Variants in GRID2 observed in about 807,000 individuals in gnomAD.
GRID2 encodes the protein glutamate receptor ionotropic, delta-2.
Under a neutral mutation model 114.8 loss-of-function variants are expected in GRID2, and 33 were observed. The observed-to-expected ratio is 0.29, with a 90% CI of 0.22 to 0.38. GRID2 has a LOEUF of 0.38. Among genes scored for constraint, GRID2 ranks in the 10% least tolerant of loss-of-function variants. The pLI is 1.00. For synonymous variants in GRID2, 505 were observed against 449.9 expected (o/e 1.12, Z -1.55); for missense variants, 1,184 against 1,257.7 (o/e 0.94, Z 0.89).
intron 14 of GRID2, among the ~76,000 whole-genome samples, chr4:93,760,156 A>G (rs891590706): frequency 2.0e-5 from 3 of 152,214 alleles, no homozygotes; most frequent in African/African-American, 7.2e-5. Flanking sequence ...TCAGTCAATC[A>G]ATATCATTCC....
At chr4:93,253,172 C>T (rs1010273178) in intron 8 of GRID2, among the ~76,000 whole-genome samples, 5 of 151,534 alleles carry the variant, frequency 3.3e-5, no homozygotes, top group South Asian at 2.1e-4. Context: ...AGGAGAATGG[C>T]GTGAACCCGG....
chr4:93,308,635 G>C (rs975546800), intron 8 of GRID2, among the ~76,000 whole-genome samples: 1 of 152,154 alleles, frequency 6.6e-6, no homozygotes, highest in Non-Finnish European at 1.5e-5. Context: ...AATGGAGAAA[G>C]GCAGTAATAA....
At chr4:92,524,678 A>G (rs1489407958) in intron 1 of GRID2, among the ~76,000 whole-genome samples, 1 of 151,926 alleles carries the variant, frequency 6.6e-6, no homozygotes, top group East Asian at 1.9e-4. Flanking sequence ...TTCCTGTGCC[A>G]TGTAACCTAA....
rs10049518 is a variant in GRID2, at chr4:93,483,364, G to T, written c.1859-7275G>T. Among the ~76,000 whole-genome samples the T allele has an allele frequency of 3.0e-3, 451 of 151,678 alleles. 4 individuals carry two copies. Among genetic ancestry groups the T allele is most frequent in the African/African-American group, 0.01 (428 of 41,428 alleles). The stretch of plus-strand genomic sequence containing the variant: ...AAGGAATGTTTATTTTTTTAAAAAA[G>T]GTATTAGTTTTCTCCCATTTTTTTC... On this transcript the variant is annotated intron_variant, in intron 11 of 15. Transcript: ENST00000282020.
intron 1 of GRID2, among the ~76,000 whole-genome samples, chr4:92,396,206 C>T (rs1007397532): frequency 3.3e-5 from 5 of 151,676 alleles, no homozygotes; most frequent in Non-Finnish European, 7.4e-5. Flanking sequence ...TTCAAGGTGA[C>T]AAAGAAATGT....
intron 2 of GRID2, among the ~76,000 whole-genome samples, chr4:92,941,965 T>A (rs1751178555): frequency 6.6e-6 from 1 of 152,180 alleles, no homozygotes; most frequent in African/African-American, 2.4e-5. Context: ...CTTTTACATT[T>A]GCTGAGGAAT....
intron 2 of GRID2, among the ~76,000 whole-genome samples, chr4:92,719,684 T>A (rs1735719036): frequency 6.6e-6 from 1 of 151,748 alleles, no homozygotes; most frequent in African/African-American, 2.4e-5. Flanking sequence ...AAAGAGGACG[T>A]CAAAGATGTT....
chr4:92,399,921 G>A (rs375513696), intron 1 of GRID2, among the ~76,000 whole-genome samples: 2 of 151,982 alleles, frequency 1.3e-5, no homozygotes, highest in East Asian at 3.9e-4. Context: ...GTTGGGCAGA[G>A]CATATTATTT....
intron 2 of GRID2, among the ~76,000 whole-genome samples, chr4:92,755,071 A>G (rs1027599602): frequency 3.3e-5 from 5 of 152,150 alleles, no homozygotes; most frequent in Non-Finnish European, 5.9e-5. Flanking sequence ...GGCTGTGTCT[A>G]AAGACAGTCC....
At chr4:93,730,931 C>G (rs558043022) in intron 14 of GRID2, among the ~76,000 whole-genome samples, 58 of 152,202 alleles carry the variant, frequency 3.8e-4, no homozygotes, top group East Asian at 7.7e-4. Context: ...CTGCAACTCC[C>G]TTTAGAAACT....
intron 13 of GRID2, among the ~76,000 whole-genome samples, chr4:93,622,863 T>C (rs1402683099): frequency 6.6e-6 from 1 of 152,222 alleles, no homozygotes; most frequent in Admixed American, 6.5e-5. Flanking sequence ...TTCCTTTACC[T>C]TTATGTTTTG....
At chr4:93,628,357 A>G (rs1742921102) in intron 14 of GRID2, among the ~76,000 whole-genome samples, 3 of 152,134 alleles carry the variant, frequency 2.0e-5, no homozygotes, top group Admixed American at 1.3e-4. Context: ...TGTATATAAT[A>G]TCAGTATTAT....
chr4:93,311,147 A>T (rs892499511), intron 8 of GRID2, among the ~76,000 whole-genome samples: 1 of 152,198 alleles, frequency 6.6e-6, no homozygotes, highest in Non-Finnish European at 1.5e-5. Context: ...AAAGCCAGAC[A>T]CAAGAATCAA....
At chr4:93,202,822 G>C (rs1190023225) in intron 4 of GRID2, among the ~76,000 whole-genome samples, 1 of 152,078 alleles carries the variant, frequency 6.6e-6, no homozygotes, top group Non-Finnish European at 1.5e-5. Context: ...TAATACATGA[G>C]AAGCATAAAC....
intron 14 of GRID2, among the ~76,000 whole-genome samples, chr4:93,678,662 A>G (rs1340921530): frequency 2.0e-5 from 3 of 152,102 alleles, no homozygotes; most frequent in Non-Finnish European, 2.9e-5. Flanking sequence ...CCAGAATTTC[A>G]TATCCAGCCA....
chr4:92,309,873 C>T (rs187584102), intron 1 of GRID2, among the ~76,000 whole-genome samples: 144 of 151,968 alleles, frequency 9.5e-4, no homozygotes, highest in African/African-American at 3.1e-3. Context: ...GGAGTAAACA[C>T]ACATTAGTGA....
intron 1 of GRID2, among the ~76,000 whole-genome samples, chr4:92,335,926 T>A (rs1727137048): frequency 6.6e-6 from 1 of 152,190 alleles, no homozygotes; most frequent in Non-Finnish European, 1.5e-5. Flanking sequence ...CACTGTTTTT[T>A]ACTTTATTTT....
At chr4:92,556,033 G>A (rs888341955) in intron 1 of GRID2, among the ~76,000 whole-genome samples, 1 of 152,018 alleles carries the variant, frequency 6.6e-6, no homozygotes, top group Non-Finnish European at 1.5e-5. Flanking sequence ...CCCTGAAGGA[G>A]ACCCAAATCT....
At chr4:93,568,791 G>T (rs1236552017) in intron 13 of GRID2, among the ~76,000 whole-genome samples, 1 of 152,162 alleles carries the variant, frequency 6.6e-6, no homozygotes, top group Non-Finnish European at 1.5e-5. Context: ...TGAAGCATCT[G>T]ATTCAATAAC....
Sources: allele counts gnomAD v4.1 joint callset (sites outside exome capture counted in the v4.1 genomes callset), GRCh38; gene constraint gnomAD v4.1.1; transcripts MANE v1.5; gene names NCBI Gene and HGNC (gene_info 2026-07-23, HGNC 2026-07-21).